The following GALNT13 variants were observed in gnomAD, a reference collection of about 807,000 sequenced individuals.
The protein encoded by GALNT13 is UDP-GalNAc:polypeptide N-acetylgalactosaminyltransferase 13.
A neutral mutation model predicts 64.2 loss-of-function variants in GALNT13; 28 were observed. That is an observed-to-expected ratio of 0.44 (90% CI 0.32 to 0.60). The LOEUF is 0.60. Among genes scored for constraint, GALNT13 ranks in the 20% least tolerant of loss-of-function variants. The pLI, the probability that GALNT13 is intolerant of heterozygous loss-of-function variation, is 0.05. For missense variants in GALNT13, 577 were observed against 669.8 expected (o/e 0.86, Z 1.53); for synonymous variants, 214 against 224.6 (o/e 0.95, Z 0.42).
chr2:153,380,583 G>C, the GALNT13 span, among the ~76,000 whole-genome samples: 1 of 151,946 alleles, frequency 6.6e-6, no homozygotes, highest in South Asian at 2.1e-4. Flanking sequence ...AAGGGGGTGG[G>C]GGGTCCTGGA....
chr2:153,979,896 C>T (rs1694344558), intron 3 of GALNT13, among the ~76,000 whole-genome samples: 1 of 152,048 alleles, frequency 6.6e-6, no homozygotes, highest in African/African-American at 2.4e-5. Context: ...CCTCATATTC[C>T]AGATTATTAT....
chr2:154,004,658 C>T (rs1574310526), intron 3 of GALNT13, among the ~76,000 whole-genome samples: 2 of 152,138 alleles, frequency 1.3e-5, no homozygotes, highest in African/African-American at 4.8e-5. Context: ...TAGATCAGTT[C>T]TCATTTCTGA....
At chr2:154,392,867 A>C (rs1388744212) in intron 9 of GALNT13, among the ~76,000 whole-genome samples, 1 of 152,234 alleles carries the variant, frequency 6.6e-6, no homozygotes, top group Non-Finnish European at 1.5e-5. Flanking sequence ...TGTAAGCAAG[A>C]GATAGGAGAA....
chr2:153,872,627 G>GGA (rs1686045313), intron 1 of GALNT13, among the ~76,000 whole-genome samples: 1 of 99,558 alleles, frequency 1.0e-5, no homozygotes, highest in African/African-American at 3.5e-5. Context: ...GGCGGGGGGG[G>GGA]GGGGGGGAGC....
At chr2:153,077,796 T>A in the GALNT13 span, among the ~76,000 whole-genome samples, 1 of 152,186 alleles carries the variant, frequency 6.6e-6, no homozygotes, top group Non-Finnish European at 1.5e-5. Context: ...AGAAGTTTAG[T>A]GTTCTTTTTA....
chr2:153,486,553 C>T, the GALNT13 span, among the ~76,000 whole-genome samples: 1 of 152,110 alleles, frequency 6.6e-6, no homozygotes, highest in Non-Finnish European at 1.5e-5. Context: ...GCTTTCTTTA[C>T]ATGCCAGGCA....
At position 153,940,101 on chromosome 2, in the gene GALNT13, G is replaced by A. The variant is rs185495418; in HGVS notation, c.-104-4293G>A. Among the ~76,000 whole-genome samples the A allele has an allele frequency of 2.2e-3, 331 of 151,624 alleles. 2 individuals carry two copies. The highest frequency in any genetic ancestry group is 6.9e-3 in the African/African-American group (285 of 41,348). On this transcript the variant is annotated intron_variant, in intron 2 of 12. Coordinates refer to ENST00000392825, the MANE Select transcript of GALNT13 (RefSeq NM_052917.4). ...GTTGTTTTTTTCAGTTTTGTTTATT[G>A]CTTCTCTTCTACCATCTTTCAGTAA... is the stretch of plus-strand genomic sequence containing the variant.
chr2:153,452,604 G>A, the GALNT13 span, among the ~76,000 whole-genome samples: 1 of 151,816 alleles, frequency 6.6e-6, no homozygotes. Flanking sequence ...ATAATAGAAT[G>A]ATAGTCTTAG....
At chr2:153,614,476 G>A in the GALNT13 span, among the ~76,000 whole-genome samples, 1 of 151,870 alleles carries the variant, frequency 6.6e-6, no homozygotes, top group African/African-American at 2.4e-5. Context: ...CTGGGGAGGT[G>A]GTCTAACATC....
chr2:153,608,917 C>CTTTTT, the GALNT13 span, among the ~76,000 whole-genome samples: 1 of 130,636 alleles, frequency 7.7e-6, no homozygotes, highest in African/African-American at 2.8e-5. Flanking sequence ...TTTTTTACTT[C>CTTTTT]TTTTTTTTTT....
At chr2:153,999,701 T>C (rs938913965) in intron 3 of GALNT13, among the ~76,000 whole-genome samples, 3 of 152,066 alleles carry the variant, frequency 2.0e-5, no homozygotes, top group Admixed American at 2.0e-4. Flanking sequence ...TATAATATAT[T>C]GTCGATTCTG....
chr2:154,290,007 C>T (rs1692507767), intron 8 of GALNT13, among the ~76,000 whole-genome samples: 1 of 152,192 alleles, frequency 6.6e-6, no homozygotes, highest in Non-Finnish European at 1.5e-5. Flanking sequence ...GAGTGCAGAG[C>T]TCTGTCAACT....
At chr2:153,993,805 C>T (rs1462254797) in intron 3 of GALNT13, among the ~76,000 whole-genome samples, 1 of 151,394 alleles carries the variant, frequency 6.6e-6, no homozygotes, top group Non-Finnish European at 1.5e-5. Flanking sequence ...TTTTACTTTT[C>T]AAAAAATGTA....
intron 4 of GALNT13, among the ~76,000 whole-genome samples, chr2:154,197,331 T>A (rs1340062278): frequency 1.3e-5 from 2 of 150,740 alleles, no homozygotes; most frequent in Non-Finnish European, 1.5e-5. Flanking sequence ...CCAGAAACTT[T>A]CATTATTTGT....
At chr2:154,419,247 G>A (rs929241462) in intron 11 of GALNT13, among the ~76,000 whole-genome samples, 1 of 152,082 alleles carries the variant, frequency 6.6e-6, no homozygotes, top group Non-Finnish European at 1.5e-5. Context: ...CTTGTGATCT[G>A]ATCCTGCCGA....
chr2:154,345,958 C>A (rs1021367170), intron 9 of GALNT13, among the ~76,000 whole-genome samples: 5 of 152,012 alleles, frequency 3.3e-5, no homozygotes, highest in Non-Finnish European at 5.9e-5. Context: ...AATCTCTATT[C>A]AAAATTTCCA....
the GALNT13 span, among the ~76,000 whole-genome samples, chr2:153,111,839 G>A: frequency 2.0e-5 from 3 of 152,010 alleles, no homozygotes; most frequent in Non-Finnish European, 4.4e-5. Flanking sequence ...CAGTTTTAAA[G>A]TTCTACTCAA....
At chr2:154,424,123 G>A (rs1019230539) in intron 11 of GALNT13, among the ~76,000 whole-genome samples, 1 of 152,264 alleles carries the variant, frequency 6.6e-6, no homozygotes, top group East Asian at 1.9e-4. Flanking sequence ...AAAATATATT[G>A]TTGGATGGGA....
chr2:153,629,204 A>T, the GALNT13 span, among the ~76,000 whole-genome samples: 29,161 of 148,960 alleles, frequency 0.2, 2,996 homozygotes, highest in African/African-American at 0.25. Context: ...CCCCTTTATC[A>T]TTTTTTTTTT....
Sources: allele counts gnomAD v4.1 joint callset (sites outside exome capture counted in the v4.1 genomes callset), GRCh38; gene constraint gnomAD v4.1.1; transcripts MANE v1.5; gene names NCBI Gene and HGNC (gene_info 2026-07-23, HGNC 2026-07-21).